The following ABLIM2 variants were observed in gnomAD, a reference collection of about 807,000 sequenced individuals.
ABLIM2 encodes actin-binding LIM protein 2.
Under a neutral mutation model 97.7 loss-of-function variants are expected in ABLIM2, and 53 were observed. That is an observed-to-expected ratio of 0.54 (90% CI 0.44 to 0.68). ABLIM2 has a LOEUF of 0.68. ABLIM2 is among the 30% of genes least tolerant of loss of function. ABLIM2 has a pLI of 0.00. For missense variants in ABLIM2, 835 were observed against 867.2 expected (o/e 0.96, Z 0.47); for synonymous variants, 361 against 345.8 (o/e 1.04, Z -0.49).
chr4:8,154,182 T>A (rs1453366072), intron 1 of ABLIM2, among the ~76,000 whole-genome samples: 3 of 151,676 alleles, frequency 2.0e-5, no homozygotes, highest in Non-Finnish European at 2.9e-5. Context: ...CAGGATGGTC[T>A]CCATCTCCTG....
chr4:8,107,910 G>GAC (rs1019308181), intron 1 of ABLIM2, among the ~76,000 whole-genome samples: 2 of 152,182 alleles, frequency 1.3e-5, no homozygotes, highest in African/African-American at 4.8e-5. Context: ...TCAGGGAGAT[G>GAC]ACACATTGCT....
At chr4:7,995,524 G>C (rs975660843) in intron 16 of ABLIM2, among the ~76,000 whole-genome samples, 6 of 152,174 alleles carry the variant, frequency 3.9e-5, no homozygotes, top group Admixed American at 2.6e-4. Flanking sequence ...TTTCATTTGG[G>C]GGTTCCTCAT....
chr4:8,061,141 C>T lies in ABLIM2; in HGVS notation c.676-87G>A. ...GCGCCCGGCATGGATACAGCATGCC[C>T]TGAGCACAGGTACTCAGGGGATACT... On this transcript the variant is annotated intron_variant, in intron 6 of 20. Transcript: ENST00000447017. This position sits in a 1 kb window ranked among gnomAD's most constrained non-coding sequence, Gnocchi z 4.5. 8.7e-7 allele frequency: 1 copy of T among 1,151,760 alleles called. No individual in the cohort carries two copies. Among genetic ancestry groups the T allele is most frequent in the Non-Finnish European group, 1.3e-6 (1 of 792,152 alleles). 71.3% of individuals were successfully genotyped at this position (1,151,760 alleles called of 1,614,324 possible).
Position 7,985,039 on chromosome 4 carries a change from T to C in ABLIM2, c.1681-146A>G, listed in dbSNP as rs1019888820. On this transcript the variant is annotated intron_variant, in intron 17 of 20. Transcript: ENST00000447017. ...GTGTCCTTAGCACAGCAGTGGGGCG[T>C]GACAGAAGGACAGCAACAGTGGCTT... 157 of 772,654 alleles carry C rather than the reference T, an allele frequency of 2.0e-4. 1 individual carries two copies. The highest frequency in any genetic ancestry group is 1.0e-3 in the South Asian group (55 of 53,990). The allele number at this position is 772,654 out of a possible 1,614,324, so 47.9% of individuals were successfully genotyped here.
chr4:8,029,382 C>T (rs1239858405), intron 11 of ABLIM2, among the ~76,000 whole-genome samples: 2 of 152,160 alleles, frequency 1.3e-5, no homozygotes, highest in East Asian at 1.9e-4. Context: ...GCGTGTGCCC[C>T]CTAGGCTGTG....
rs1382911115 is a variant in ABLIM2, at chr4:8,058,487, A to C, written c.763+2480T>G. Among the ~76,000 whole-genome samples the C allele has an allele frequency of 6.6e-6, 1 of 152,214 alleles. No individual in the cohort carries two copies. The highest frequency in any genetic ancestry group is 1.5e-5 in the Non-Finnish European group (1 of 68,034). ...AGCTCTCCCAGACCTGGCCGGGCCC[A>C]GCTGGCCTCTGGGAGCACTGGTGAC... On this transcript the variant is annotated intron_variant, in intron 7 of 20. Coordinates refer to ENST00000447017, the MANE Select transcript of ABLIM2 (RefSeq NM_001130083.2). The surrounding 1 kb of genome is among the most constrained non-coding windows in gnomAD (Gnocchi z 4.2).
chr4:8,079,997 T>C (rs1207398980), intron 5 of ABLIM2, among the ~76,000 whole-genome samples: 4 of 152,164 alleles, frequency 2.6e-5, no homozygotes, highest in Non-Finnish European at 4.4e-5. Flanking sequence ...GCGGAAGGCT[T>C]GCCTGCCTCA....
At position 8,039,874 on chromosome 4, in the gene ABLIM2, G is replaced by GTTTTT. The variant is rs397947626; in HGVS notation, c.901-3584_901-3580dup. ...AATTTCCTCTGGTGTGCTGATTACT[G>GTTTTT]TTTTTTTTTTTTTTTTTTTTTTAAT... is the stretch of plus-strand genomic sequence containing the variant. On this transcript the variant is annotated intron_variant, in intron 9 of 20. Coordinates refer to ENST00000447017, the MANE Select transcript of ABLIM2 (RefSeq NM_001130083.2). 6.8e-3 allele frequency among the ~76,000 whole-genome samples: 737 copies of GTTTTT among 108,584 alleles called. 11 individuals are homozygous for GTTTTT. Among genetic ancestry groups the GTTTTT allele is most frequent in the East Asian group, 9.5e-3 (34 of 3,588 alleles). 71.2% of individuals were successfully genotyped at this position (108,584 alleles called of 152,430 possible).
chr4:7,995,858 C>G (rs773295069), intron 16 of ABLIM2, among the ~76,000 whole-genome samples: 2 of 152,158 alleles, frequency 1.3e-5, no homozygotes, highest in South Asian at 4.1e-4. Flanking sequence ...AGCCCCTCCT[C>G]GGCACCCCCA....
Position 8,071,425 on chromosome 4 carries a change from C to T in ABLIM2, c.675+6203G>A, listed in dbSNP as rs940564799. Among the ~76,000 whole-genome samples the T allele has an allele frequency of 1.7e-4, 26 of 151,982 alleles. No homozygotes were observed. The highest frequency in any genetic ancestry group is 5.3e-4 in the African/African-American group (22 of 41,254). Reference sequence around the variant, plus strand: ...CGTTTAGGAGAAACTGAGGGAGAGACGGGGAAGGAAAACCCCACTGTCACC... The same window carrying T: ...CGTTTAGGAGAAACTGAGGGAGAGATGGGGAAGGAAAACCCCACTGTCACC... On this transcript the variant is annotated intron_variant, in intron 6 of 20. Transcript: ENST00000447017. The surrounding 1 kb of genome is among the most constrained non-coding windows in gnomAD (Gnocchi z 6.2).
chr4:8,039,750 C>A (rs1786906270), intron 9 of ABLIM2, among the ~76,000 whole-genome samples: 1 of 152,128 alleles, frequency 6.6e-6, no homozygotes, highest in African/African-American at 2.4e-5. Flanking sequence ...TTCAGTGTGA[C>A]CCCATGTTAT....
Position 8,020,243 on chromosome 4 carries a change from G to T in ABLIM2, c.1328C>A (p.Pro443His). ...GCGAGGTGCCTGCTGGTAGGTGGAG[G>T]GGGGCGGCTTGCTGTCAGAGAGCAC... ...LSVLSDSKPP[P>H]STYQQAPRHF... is the part of the protein sequence containing the mutation. The change falls in exon 13 of 21, where the codon CCC becomes CAC. Residue 443 changes from proline (P) to histidine (H), a missense_variant. By Grantham distance (77) the Pro-to-His change is moderately conservative. Coordinates refer to ENST00000447017, the MANE Select transcript of ABLIM2 (RefSeq NM_001130083.2). 5 of 1,613,934 alleles carry T rather than the reference G, an allele frequency of 3.1e-6. No homozygotes were observed. The highest frequency in any genetic ancestry group is 4.2e-6 in the Non-Finnish European group (5 of 1,179,878).
At chr4:8,153,706 C>CG (rs58295582) in intron 1 of ABLIM2, among the ~76,000 whole-genome samples, 3,427 of 152,334 alleles carry the variant, frequency 0.022, 130 homozygotes, top group African/African-American at 0.076. Flanking sequence ...TCTACCAGCG[C>CG]TGGAGGCAGA....
At chr4:8,101,949 C>A (rs1489121000) in intron 2 of ABLIM2, among the ~76,000 whole-genome samples, 2 of 152,176 alleles carry the variant, frequency 1.3e-5, no homozygotes, top group Non-Finnish European at 2.9e-5. Flanking sequence ...GAGACACCTT[C>A]ACACCCCTCA....
chr4:8,041,730 G>T (rs1011457881), intron 9 of ABLIM2, among the ~76,000 whole-genome samples: 1 of 152,000 alleles, frequency 6.6e-6, no homozygotes, highest in African/African-American at 2.4e-5. Flanking sequence ...GTGAAACCCC[G>T]TCTCTATTAA....
In ABLIM2 at chr4:8,143,169, G is replaced by C. The variant is rs952939712; in HGVS notation, c.10+15511C>G. On this transcript the variant is annotated intron_variant, in intron 1 of 20. Transcript: ENST00000447017. ...GAGCGGGGGCGAGAGTGGGGGGGGGGGGCGTCTGCAAATGCATCTCCTGGG... is the reference window on the plus strand; with the variant it reads ...GAGCGGGGGCGAGAGTGGGGGGGGGCGGCGTCTGCAAATGCATCTCCTGGG... Among the ~76,000 whole-genome samples the C allele has an allele frequency of 4.6e-4, 69 of 149,074 alleles. 2 individuals are homozygous for C. Among genetic ancestry groups the C allele is most frequent in the African/African-American group, 1.7e-3 (67 of 40,420 alleles).
intron 17 of ABLIM2, among the ~76,000 whole-genome samples, chr4:7,985,264 T>C (rs529456403): frequency 1.1e-4 from 16 of 152,314 alleles, no homozygotes; most frequent in African/African-American, 3.8e-4. Flanking sequence ...ACCATTTCTT[T>C]GCGCACGCTG....
chr4:8,120,404 G>A lies in ABLIM2; in HGVS notation c.11-13767C>T, dbSNP rs975394688. Among the ~76,000 whole-genome samples the A allele has an allele frequency of 5.9e-5, 9 of 152,194 alleles. No homozygotes were observed. Among genetic ancestry groups the A allele is most frequent in the African/African-American group, 1.9e-4 (8 of 41,440 alleles). On this transcript the variant is annotated intron_variant, in intron 1 of 20. Transcript: ENST00000447017. The surrounding 1 kb of genome is among the most constrained non-coding windows in gnomAD (Gnocchi z 5.6). ...GACTGGTGTCAGAAAAAGGGGAAAT[G>A]TGGACACAGAGACAACCCCAGACAA...
At position 8,082,891 on chromosome 4, in the gene ABLIM2, T is replaced by C. The variant is rs111297494; in HGVS notation, c.455-2089A>G. ...GACGCACAGCCCTGACTTAGCCTCC[T>C]GGCTTCCCCCACTTAGCAGGTGATG... On this transcript the variant is annotated intron_variant, in intron 4 of 20. Transcript: ENST00000447017. The surrounding 1 kb of genome is among the most constrained non-coding windows in gnomAD (Gnocchi z 5.6). 7.9e-3 allele frequency among the ~76,000 whole-genome samples: 1,202 copies of C among 152,346 alleles called. 14 individuals are homozygous for C. The highest frequency in any genetic ancestry group is 0.028 in the African/African-American group (1,145 of 41,586).
Sources: gnomAD v4.1 joint callset for allele counts (sites outside exome capture counted in the v4.1 genomes callset) on GRCh38, gnomAD v4.1.1 for gene constraint, Gnocchi (gnomAD v3.1) non-coding constraint, MANE v1.5 for transcripts, NCBI Gene and HGNC (gene_info 2026-07-23, HGNC 2026-07-21) for gene names.